The following SPMIP7 variants were observed in gnomAD, a reference collection of about 807,000 sequenced individuals.
SPMIP7 encodes protein SPMIP7.
At chr7:50,136,753 T>TA in the SPMIP7 span, among the ~76,000 whole-genome samples, 1,552 of 152,284 alleles carry the variant, frequency 0.01, 26 homozygotes, top group African/African-American at 0.036. Context: ...ACATTTAGTC[T>TA]AAAAAACTAG....
At chr7:50,107,506 G>T in the SPMIP7 span, among the ~76,000 whole-genome samples, 1 of 151,528 alleles carries the variant, frequency 6.6e-6, no homozygotes, top group South Asian at 2.1e-4. Context: ...GATACAGTTA[G>T]AGAGGTAATT....
chr7:50,135,108 C>T, the SPMIP7 span, among the ~76,000 whole-genome samples: 1 of 152,194 alleles, frequency 6.6e-6, no homozygotes, highest in Non-Finnish European at 1.5e-5. Context: ...TGCAAAGAGT[C>T]TTCCACTGCC....
At chr7:50,129,585 G>T in the SPMIP7 span, 2 of 650,018 alleles carry the variant, frequency 3.1e-6, no homozygotes, top group East Asian at 2.9e-5. Context: ...CATTAAATCT[G>T]GTCAATCCAA....
the SPMIP7 span, among the ~76,000 whole-genome samples, chr7:50,158,139 C>A: frequency 0.018 from 2,784 of 150,660 alleles, 94 homozygotes; most frequent in South Asian, 0.14. Flanking sequence ...TGGCCTATGG[C>A]CCATGGGTGA....
chr7:50,155,339 G>A, the SPMIP7 span, among the ~76,000 whole-genome samples: 13 of 152,276 alleles, frequency 8.5e-5, no homozygotes, highest in African/African-American at 2.9e-4. Context: ...ATTTAGACAA[G>A]TAATATATAT....
At chr7:50,096,605 G>C in the SPMIP7 span, 9 of 1,549,718 alleles carry the variant, frequency 5.8e-6, no homozygotes, top group Admixed American at 3.9e-5. Context: ...TTCCAGGGAA[G>C]TACCAGACAT....
chr7:50,110,717 C>T, the SPMIP7 span, among the ~76,000 whole-genome samples: 8 of 62,738 alleles, frequency 1.3e-4, no homozygotes, highest in Non-Finnish European at 2.5e-4. Flanking sequence ...TAATATATTG[C>T]ATATATTATA....
At chr7:50,136,049 A>G in the SPMIP7 span, 1 of 1,384,132 alleles carries the variant, frequency 7.2e-7, no homozygotes, top group South Asian at 1.2e-5. Context: ...ATCCACCAGA[A>G]ATTATAACGT....
the SPMIP7 span, among the ~76,000 whole-genome samples, chr7:50,153,909 T>G: frequency 6.6e-6 from 1 of 152,212 alleles, no homozygotes; most frequent in African/African-American, 2.4e-5. Flanking sequence ...GTGCCTGGCC[T>G]TTTCTAAGGT....
the SPMIP7 span, among the ~76,000 whole-genome samples, chr7:50,137,885 A>G: frequency 3.5e-4 from 54 of 152,148 alleles, no homozygotes; most frequent in Non-Finnish European, 2.8e-4. Context: ...TCTGTTCAAT[A>G]TTCTGGGTAA....
At chr7:50,131,984 A>T in the SPMIP7 span, among the ~76,000 whole-genome samples, 1 of 152,136 alleles carries the variant, frequency 6.6e-6, no homozygotes, top group Non-Finnish European at 1.5e-5. Flanking sequence ...TTCACATTTC[A>T]ACTTCATTTT....
the SPMIP7 span, among the ~76,000 whole-genome samples, chr7:50,101,239 G>A: frequency 3.3e-5 from 5 of 152,204 alleles, no homozygotes; most frequent in Admixed American, 1.3e-4. Flanking sequence ...GCACTTGCAC[G>A]TTGGGATTAG....
the SPMIP7 span, among the ~76,000 whole-genome samples, chr7:50,098,279 A>G: frequency 0.78 from 118,947 of 152,040 alleles, 46,596 homozygotes; most frequent in East Asian, 0.88. Context: ...TTCTTGATCC[A>G]GTTGTCTCTC....
At chr7:50,140,286 T>C in the SPMIP7 span, 3 of 601,382 alleles carry the variant, frequency 5.0e-6, no homozygotes, top group East Asian at 6.6e-5. Context: ...ACAACTTATA[T>C]ATTGTAACAC....
chr7:50,149,094 G>A, the SPMIP7 span, among the ~76,000 whole-genome samples: 1 of 151,976 alleles, frequency 6.6e-6, no homozygotes, highest in African/African-American at 2.4e-5. Context: ...GCAGTGAGCC[G>A]AGATTGTGCC....
At chr7:50,158,067 C>G in the SPMIP7 span, among the ~76,000 whole-genome samples, 3 of 152,206 alleles carry the variant, frequency 2.0e-5, no homozygotes, top group African/African-American at 7.2e-5. Flanking sequence ...CCTTGTTCAC[C>G]CTCCCCCAGC....
the SPMIP7 span, among the ~76,000 whole-genome samples, chr7:50,107,362 CAAAAAA>C: frequency 1.2e-4 from 2 of 16,654 alleles, no homozygotes; most frequent in African/African-American, 2.9e-4. Context: ...GACTCTGTCT[CAAAAAA>C]AAAAAAAAAA....
At chr7:50,119,588 TA>T in the SPMIP7 span, among the ~76,000 whole-genome samples, 1 of 152,210 alleles carries the variant, frequency 6.6e-6, no homozygotes, top group Non-Finnish European at 1.5e-5. Flanking sequence ...CTGTCTGTGT[TA>T]CCAGTGACAG....
chr7:50,155,115 A>G, the SPMIP7 span, among the ~76,000 whole-genome samples: 9 of 152,178 alleles, frequency 5.9e-5, no homozygotes, highest in Non-Finnish European at 1.2e-4. Context: ...ATGGTTCCCA[A>G]ATATTTTCCC....
Sources: gnomAD v4.1 joint callset for allele counts (sites outside exome capture counted in the v4.1 genomes callset) on GRCh38, gnomAD v4.1.1 for gene constraint, MANE v1.5 for transcripts, NCBI Gene and HGNC (gene_info 2026-07-23, HGNC 2026-07-21) for gene names.